The following MPRIP variants were observed in gnomAD, a reference collection of about 807,000 sequenced individuals.
MPRIP encodes the protein myosin phosphatase Rho interacting protein, also known as myosin phosphatase Rho-interacting protein.
A neutral mutation model predicts 234.9 loss-of-function variants in MPRIP; 59 were observed. The ratio of observed to expected loss-of-function variants is 0.25; its 90% CI spans 0.20 to 0.31. The LOEUF (loss-of-function observed/expected upper bound fraction) is 0.31. MPRIP is among the 10% of genes least tolerant of loss of function. MPRIP has a pLI of 1.00. For synonymous variants in MPRIP, 1,144 were observed against 1,263.9 expected (o/e 0.91, Z 2.01); for missense variants, 2,436 against 3,071.0 (o/e 0.79, Z 4.89).
intron 4 of MPRIP, 118 bp from the exon 5 acceptor site, chr17:17,131,499 C>T (rs968189113): frequency 1.0e-5 from 8 of 780,174 alleles, no homozygotes; most frequent in African/African-American, 3.4e-5. Context: ...CCCAGCGTAG[C>T]AGTCTGTCAC....
intron 3 of MPRIP, among the ~76,000 whole-genome samples, chr17:17,105,646 G>T (rs181987997): frequency 1.3e-5 from 2 of 152,284 alleles, no homozygotes; most frequent in African/African-American, 4.8e-5. Context: ...TGTGAGAGAC[G>T]CTGTCTCTGA....
At chr17:17,163,308 C>G (rs915831462) in intron 15 of MPRIP, among the ~76,000 whole-genome samples, 1 of 152,134 alleles carries the variant, frequency 6.6e-6, no homozygotes, top group Non-Finnish European at 1.5e-5. Context: ...AGGCTGGGCT[C>G]GGCTCACTCT....
intron 3 of MPRIP, among the ~76,000 whole-genome samples, chr17:17,085,893 G>A (rs2089579920): frequency 6.6e-6 from 1 of 152,150 alleles, no homozygotes; most frequent in Non-Finnish European, 1.5e-5. Flanking sequence ...AGCCTGGGCA[G>A]CAGAGTGAGA....
chr17:17,080,765 GAA>G (rs1295326954), intron 3 of MPRIP, among the ~76,000 whole-genome samples: 1 of 152,360 alleles, frequency 6.6e-6, no homozygotes, highest in East Asian at 1.9e-4. Flanking sequence ...TTTTAAAAAT[GAA>G]AATGTAAATG....
intron 7 of MPRIP, chr17:17,142,334 A>G (rs2144505130): frequency 6.3e-6 from 2 of 317,438 alleles, no homozygotes; most frequent in Non-Finnish European, 1.2e-5. Flanking sequence ...GGCTCAGGAG[A>G]GGCTGCCGGG....
chr17:17,086,028 G>A (rs73979079), intron 3 of MPRIP, among the ~76,000 whole-genome samples: 10,623 of 152,262 alleles, frequency 0.07, 1,176 homozygotes, highest in African/African-American at 0.24. Context: ...CTCTTCTTGT[G>A]CAATCATTTG....
intron 3 of MPRIP, among the ~76,000 whole-genome samples, chr17:17,116,730 G>C (rs1216685733): frequency 2.0e-5 from 3 of 152,248 alleles, no homozygotes; most frequent in African/African-American, 7.2e-5. Flanking sequence ...TGCATCTGCA[G>C]CTGGGGAGAG....
chr17:17,090,042 G>A (rs2089679386), intron 3 of MPRIP, among the ~76,000 whole-genome samples: 1 of 152,200 alleles, frequency 6.6e-6, no homozygotes, highest in African/African-American at 2.4e-5. Context: ...AGGGGGAGGT[G>A]GGGAGACGGA....
In MPRIP at chr17:17,165,415, G is replaced by T; in HGVS notation, c.3824G>T (p.Gly1275Val). 1 of 1,304,208 alleles carries T rather than the reference G, an allele frequency of 7.7e-7. No individual in the cohort carries two copies. The highest frequency in any genetic ancestry group is 1.0e-6 in the Non-Finnish European group (1 of 988,964). 80.8% of individuals were successfully genotyped at this position (1,304,208 alleles called of 1,614,324 possible). Reference sequence around the variant, plus strand: ...GACGAGGACCTGGGGGCTCCTCCGGGGGAAGAGTACGGTGATGGCAGCCCC... The same window carrying T: ...GACGAGGACCTGGGGGCTCCTCCGGTGGAAGAGTACGGTGATGGCAGCCCC... ...DEDEDLGAPP[G>V]EEYGDGSPSR... The change falls in exon 16 of 24, where the codon GGG (glycine) becomes GTG (valine). Residue 1275 changes from glycine to valine, a missense_variant. By Grantham distance (109) the Gly-to-Val change is moderately radical (BLOSUM62 -3). Around this residue, in one of 4 missense-constraint regions of MPRIP, gnomAD observed 1,998 missense variants for 2,520.3 expected, o/e 0.79. Coordinates refer to ENST00000651222, the MANE Select transcript of MPRIP (RefSeq NM_001364716.4).
intron 18 of MPRIP, 107 bp from the exon 19 acceptor site, chr17:17,173,805 CTGTG>C (rs769620559): frequency 1.3e-5 from 17 of 1,262,750 alleles, no homozygotes; most frequent in Admixed American, 1.8e-5. Context: ...AGACAACAGA[CTGTG>C]TGGGCCTGAC....
rs1358163292 is a variant in MPRIP at position 17,167,305 on chromosome 17, T to C, written c.5714T>C (p.Val1905Ala). 7.7e-7 allele frequency: 1 copy of C among 1,303,910 alleles called. No homozygotes were observed. Among genetic ancestry groups the C allele is most frequent in the Non-Finnish European group, 1.0e-6 (1 of 988,932 alleles). 80.8% of individuals were successfully genotyped at this position (1,303,910 alleles called of 1,614,324 possible). ...AAGCAGAAGAGCGAGTACCTGGATG[T>C]GATCGCCATTGTTGAAAGGGAGAAT... Reference protein sequence around the residue: ...LRKQKSEYLDVIAIVERENAE... With the variant: ...LRKQKSEYLDAIAIVERENAE... The change falls in exon 16 of 24, where the codon GTG becomes GCG. Residue 1905 changes from valine to alanine, a missense_variant. By Grantham distance (64) the Val-to-Ala change is moderately conservative (BLOSUM62 0). Coordinates refer to ENST00000651222, the MANE Select transcript of MPRIP (RefSeq NM_001364716.4). This position sits in a 1 kb window ranked among gnomAD's most constrained non-coding sequence, Gnocchi z 5.9.
At chr17:17,087,243 G>A (rs2089611678) in intron 3 of MPRIP, among the ~76,000 whole-genome samples, 1 of 152,164 alleles carries the variant, frequency 6.6e-6, no homozygotes, top group Admixed American at 6.5e-5. Flanking sequence ...GAGGGGGAGG[G>A]AGTGACTGAA....
At chr17:17,157,514 A>T (rs1251857673) in intron 13 of MPRIP, among the ~76,000 whole-genome samples, 2 of 152,204 alleles carry the variant, frequency 1.3e-5, no homozygotes, top group African/African-American at 4.8e-5. Context: ...TCCATCTGTC[A>T]TGCCAGCAGC....
At chr17:17,174,191 T>C in intron 19 of MPRIP, 116 bp downstream of exon 19, 1 of 1,267,850 alleles carries the variant, frequency 7.9e-7, no homozygotes, top group East Asian at 2.5e-5. Flanking sequence ...CAAAGTGGCA[T>C]GAAGGTCCCT....
At chr17:17,077,214 T>G (rs1336337901) in intron 2 of MPRIP, 1 of 152,262 alleles carries the variant, frequency 6.6e-6, no homozygotes, top group East Asian at 1.9e-4. Flanking sequence ...GATTTGGGGC[T>G]GGGAGCTGTG....
chr17:17,160,119 G>A (rs574218950), intron 14 of MPRIP, among the ~76,000 whole-genome samples: 81 of 152,136 alleles, frequency 5.3e-4, no homozygotes, highest in Middle Eastern at 3.4e-3. Flanking sequence ...CTGTAATCCC[G>A]GTACTTTGGG....
At chr17:17,087,777 C>G (rs2089625671) in intron 3 of MPRIP, among the ~76,000 whole-genome samples, 1 of 152,212 alleles carries the variant, frequency 6.6e-6, no homozygotes, top group Non-Finnish European at 1.5e-5. Flanking sequence ...CCAGCTCTTT[C>G]TTGCTTGAGT....
intron 1 of MPRIP, among the ~76,000 whole-genome samples, chr17:17,061,858 C>G (rs1007720240): frequency 6.6e-6 from 1 of 152,124 alleles, no homozygotes; most frequent in Non-Finnish European, 1.5e-5. Context: ...TGGAGCACTC[C>G]CGTGAACACT....
chr17:17,147,225 G>A, intron 10 of MPRIP, 94 bp from the exon 11 acceptor site: 2 of 1,188,140 alleles, frequency 1.7e-6, no homozygotes, highest in Non-Finnish European at 2.5e-6. Flanking sequence ...GCTCTGGGAG[G>A]GCCCCACAGG....
Sources: allele counts gnomAD v4.1 joint callset (sites outside exome capture counted in the v4.1 genomes callset), GRCh38; gene constraint gnomAD v4.1.1; regional missense constraint gnomAD v4.1.1; non-coding constraint Gnocchi (gnomAD v3.1); transcripts MANE v1.5; gene names NCBI Gene and HGNC (gene_info 2026-07-23, HGNC 2026-07-21).